TOR4A: variants seen among roughly 807,000 people sequenced by gnomAD.
TOR4A encodes the protein torsin family 4 member A.
A neutral mutation model predicts 11.5 loss-of-function variants in TOR4A; 12 were observed. The ratio of observed to expected loss-of-function variants is 1.04; its 90% CI spans 0.67 to 1.69. TOR4A has a LOEUF of 1.69. Ranked by LOEUF, TOR4A falls within the 40% of genes most tolerant of loss-of-function variation. The probability of loss-of-function intolerance (pLI) is 0.00; values close to 1 mark genes in which losing one functional copy is unlikely to be tolerated. For synonymous variants in TOR4A, 362 were observed against 307.4 expected, an observed-to-expected ratio of 1.18 and a Z score of -1.86; for missense variants, 640 against 643.2, an observed-to-expected ratio of 0.99 and a Z score of 0.05.
intron 1 of TOR4A, among the ~76,000 whole-genome samples, chr9:137,278,421 A>ACC (rs1830669873): frequency 6.6e-6 from 1 of 150,994 alleles, no homozygotes; most frequent in African/African-American, 2.4e-5. Context: ...TTATGGGAAG[A>ACC]CCCGAGAGAT....
chr9:137,281,844 A>C lies in TOR4A; in HGVS notation c.*1883A>C, dbSNP rs1278171701. 6.0e-6 allele frequency: 1 copy of C among 166,922 alleles called. No individual in the cohort carries two copies. The highest frequency in any genetic ancestry group is 1.9e-4 in the East Asian group (1 of 5,190). The allele number at this position is 166,922 out of a possible 1,614,324, so 10.3% of individuals were successfully genotyped here. A position where few individuals can be genotyped will look rare whatever the true frequency, so the allele number is the denominator to read the frequency against. On this transcript the variant is annotated 3_prime_UTR_variant, in exon 2 of 2. Coordinates refer to ENST00000357503, the MANE Select transcript of TOR4A (RefSeq NM_017723.3). Reference sequence around the variant, plus strand: ...TCCACCCCAACCCCAGGGCTAGGGGAAGGAGCTGGGAGAAGGAGCCCCACC... The same window carrying C: ...TCCACCCCAACCCCAGGGCTAGGGGCAGGAGCTGGGAGAAGGAGCCCCACC...
Position 137,280,038 on chromosome 9 carries a change from C to A in TOR4A, c.*77C>A. The A allele has an allele frequency of 1.4e-6, 2 of 1,428,280 alleles. No homozygotes were observed. Among genetic ancestry groups the A allele is most frequent in the Non-Finnish European group, 1.9e-6 (2 of 1,067,826 alleles). The allele number at this position is 1,428,280 out of a possible 1,614,324, so 88.5% of individuals were successfully genotyped here. On this transcript the variant is annotated 3_prime_UTR_variant, in exon 2 of 2. Coordinates refer to ENST00000357503, the MANE Select transcript of TOR4A (RefSeq NM_017723.3). ...CAGGGACCTTGTGGGCTGGTGCAGG[C>A]CCCTGAGGTTTCTAGTGAATTTGTG... is the stretch of plus-strand genomic sequence containing the variant.
Position 137,279,446 on chromosome 9 carries a change from C to A in TOR4A, c.757C>A (p.Arg253=), listed in dbSNP as rs779234181. Residue 253 remains arginine, a synonymous_variant, in exon 2 of 2, where the codon CGG becomes AGG. Coordinates refer to ENST00000357503, the MANE Select transcript of TOR4A (RefSeq NM_017723.3). ...LARRVADVVA[R]AEAEEKTPLL... ...GCGGCGCGTGGCCGACGTGGTGGCG[C>A]GGGCCGAAGCGGAGGAGAAGACCCC... 6.5e-7 allele frequency: 1 copy of A among 1,539,246 alleles called. No homozygotes were observed.
rs1830716635 is a variant in TOR4A, at chr9:137,281,382, G to C, written c.*1421G>C. ...CTCAGCCCGGAGACCGCGCCCACCA[G>C]CGCCGGTGTCCCCGGAGGGGCCCCG... On this transcript the variant is annotated 3_prime_UTR_variant, in exon 2 of 2. Transcript: ENST00000357503. 6.4e-6 allele frequency: 1 copy of C among 155,512 alleles called. No homozygotes were observed. Among genetic ancestry groups the C allele is most frequent in the Non-Finnish European group, 1.5e-5 (1 of 68,060 alleles). 9.6% of individuals were successfully genotyped at this position (155,512 alleles called of 1,614,324 possible).
Position 137,278,774 on chromosome 9 carries a change from G to A in TOR4A, c.85G>A (p.Val29Met). Residue 29 changes from valine to methionine, a missense_variant, in exon 2 of 2, where the codon GTG becomes ATG. Physicochemically the swap from Val to Met is conservative, Grantham distance 21 (BLOSUM62 1). Coordinates refer to ENST00000357503, the MANE Select transcript of TOR4A (RefSeq NM_017723.3). ...GTGCGTGATCGCGCCCGTGCGCGCT[G>A]TGCTCCGCCTGCGCCGCCGGGTGTG... The part of the protein sequence containing the change: ...GRCVIAPVRA[V>M]LRLRRRVCVL... 2 of 1,443,530 alleles carry A rather than the reference G, an allele frequency of 1.4e-6. No individual in the cohort carries two copies. The highest frequency in any genetic ancestry group is 9.0e-7 in the Non-Finnish European group (1 of 1,110,168). 89.4% of individuals were successfully genotyped at this position (1,443,530 alleles called of 1,614,324 possible).
At chr9:137,278,499 G>T (rs1830671622) in intron 1 of TOR4A, among the ~76,000 whole-genome samples, 154 bp from the exon 2 acceptor site, 1 of 151,876 alleles carries the variant, frequency 6.6e-6, no homozygotes, top group Non-Finnish European at 1.5e-5. Flanking sequence ...GGTCTGAGGG[G>T]CGAGGCCGCG....
Position 137,278,633 on chromosome 9 carries a change from T to C in TOR4A, c.-37-20T>C, listed in dbSNP as rs1830673762. ...GGCAGTGGCGGGAGTCCAGAGACCC[T>C]CCCCGTCTTCCCGTTGCAGGGAGGG... On this transcript the variant is annotated intron_variant, in intron 1 of 1. Transcript: ENST00000357503. The C allele has an allele frequency of 1.6e-6, 2 of 1,259,988 alleles. No homozygotes were observed. The highest frequency in any genetic ancestry group is 1.0e-6 in the Non-Finnish European group (1 of 999,504). The allele number at this position is 1,259,988 out of a possible 1,614,324, so 78.1% of individuals were successfully genotyped here.
chr9:137,279,380 C>T lies in TOR4A; in HGVS notation c.691C>T (p.Pro231Ser). 6 of 1,521,728 alleles carry T rather than the reference C, an allele frequency of 3.9e-6. No homozygotes were observed. The highest frequency in any genetic ancestry group is 5.3e-6 in the Non-Finnish European group (6 of 1,137,048). 94.3% of individuals were successfully genotyped at this position (1,521,728 alleles called of 1,614,324 possible). A position where few individuals can be genotyped will look rare whatever the true frequency, so the allele number is the denominator to read the frequency against. ...VLQYHARHHCPEARAAQDCRE... is the reference protein window; with the variant it reads ...VLQYHARHHCSEARAAQDCRE... Reference sequence around the variant, plus strand: ...GCAATACCATGCGCGGCACCACTGCCCCGAGGCGCGCGCCGCACAGGACTG... The same window carrying T: ...GCAATACCATGCGCGGCACCACTGCTCCGAGGCGCGCGCCGCACAGGACTG... The change falls in exon 2 of 2, where the codon CCC (proline) becomes TCC (serine). Residue 231 changes from proline (P) to serine (S), a missense_variant. Physicochemically the swap from Pro to Ser is moderately conservative, Grantham distance 74. Transcript: ENST00000357503.
In TOR4A at chr9:137,279,861, C is replaced by A. The variant is rs756500552; in HGVS notation, c.1172C>A (p.Ala391Glu). Residue 391 changes from alanine to glutamate, a missense_variant, in exon 2 of 2, where the codon GCG becomes GAG. By Grantham distance (107) the Ala-to-Glu change is moderately radical. Transcript: ENST00000357503. ...GGCTTCTTTCCTGACCAGGCCCGCGCGGAGAACCTGGCCGCGCAGCTCAGC... is the reference window on the plus strand; with the variant it reads ...GGCTTCTTTCCTGACCAGGCCCGCGAGGAGAACCTGGCCGCGCAGCTCAGC... ...GEGFFPDQAR[A>E]ENLAAQLSFY... 1 of 1,588,506 alleles carries A rather than the reference C, an allele frequency of 6.3e-7. No individual in the cohort carries two copies. The highest frequency in any genetic ancestry group is 2.3e-5 in the East Asian group (1 of 43,810).
rs1262011400 is a variant in TOR4A, at chr9:137,279,370, G to A, written c.681G>A (p.Arg227=). The A allele has an allele frequency of 3.9e-6, 6 of 1,525,362 alleles. No individual in the cohort carries two copies. Among genetic ancestry groups the A allele is most frequent in the Non-Finnish European group, 5.3e-6 (6 of 1,138,776 alleles). 94.5% of individuals were successfully genotyped at this position (1,525,362 alleles called of 1,614,324 possible). Residue 227 remains arginine, a synonymous_variant, in exon 2 of 2, where the codon CGG becomes CGA. Transcript: ENST00000357503. ...CGCTCGTGCTGCAATACCATGCGCG[G>A]CACCACTGCCCCGAGGCGCGCGCCG... is the stretch of plus-strand genomic sequence containing the variant. ...DSALVLQYHA[R]HHCPEARAAQ... is the part of the protein sequence containing the mutation.
rs1332969408 is a variant in TOR4A at position 137,282,138 on chromosome 9, C to CGCTGA, written c.*2180_*2184dup. 1 of 167,136 alleles carries CGCTGA rather than the reference C, an allele frequency of 6.0e-6. No homozygotes were observed. The highest frequency in any genetic ancestry group is 1.5e-5 in the Non-Finnish European group (1 of 68,162). The allele number at this position is 167,136 out of a possible 1,614,324, so 10.4% of individuals were successfully genotyped here. A position where few individuals can be genotyped will look rare whatever the true frequency, so the allele number is the denominator to read the frequency against. ...CATCCACCTGTCAGTCAACAACACCCGCTGAGCATCGGCTTGTATCAAAAG... is the reference window on the plus strand; with the variant it reads ...CATCCACCTGTCAGTCAACAACACCCGCTGAGCTGAGCATCGGCTTGTATCAAAAG... On this transcript the variant is annotated 3_prime_UTR_variant, in exon 2 of 2. Coordinates refer to ENST00000357503, the MANE Select transcript of TOR4A (RefSeq NM_017723.3).
chr9:137,278,667 A>G lies in TOR4A; in HGVS notation c.-23A>G. 1 of 1,322,184 alleles carries G rather than the reference A, an allele frequency of 7.6e-7. No individual in the cohort carries two copies. The highest frequency in any genetic ancestry group is 9.6e-7 in the Non-Finnish European group (1 of 1,037,268). 81.9% of individuals were successfully genotyped at this position (1,322,184 alleles called of 1,614,324 possible). On this transcript the variant is annotated 5_prime_UTR_variant, in exon 2 of 2. The change abolishes an upstream ATG in the 5' untranslated region. Coordinates refer to ENST00000357503, the MANE Select transcript of TOR4A (RefSeq NM_017723.3). ...TCCCGTTGCAGGGAGGGCGACCTGT[A>G]TGCGGAGCGCCGTTCCTGCGACATG...
In TOR4A at chr9:137,279,427, CGTG is replaced by C; in HGVS notation, c.740_742del (p.Val247del). 1 of 1,534,906 alleles carries C rather than the reference CGTG, an allele frequency of 6.5e-7. No homozygotes were observed. The highest frequency in any genetic ancestry group is 8.8e-7 in the Non-Finnish European group (1 of 1,141,000). ...ACTGCCGCGAGGAGCTGGCGCGGCG[CGTG>C]GCCGACGTGGTGGCGCGGGCCGAAG... On this transcript the variant is annotated inframe_deletion, in exon 2 of 2. Transcript: ENST00000357503.
At position 137,282,390 on chromosome 9, in the gene TOR4A, A is replaced by T. The variant is rs1830731375; in HGVS notation, c.*2429A>T. On this transcript the variant is annotated 3_prime_UTR_variant, in exon 2 of 2. Coordinates refer to ENST00000357503, the MANE Select transcript of TOR4A (RefSeq NM_017723.3). ...TAATTTTTTTGTATTGTTGGTAGAG[A>T]CGGTGATTCACTATGTTGGCCAGGC... The T allele has an allele frequency of 2.6e-5, 4 of 156,114 alleles. No homozygotes were observed. The highest frequency in any genetic ancestry group is 9.7e-5 in the African/African-American group (4 of 41,322). 9.7% of individuals were successfully genotyped at this position (156,114 alleles called of 1,614,324 possible). A position where few individuals can be genotyped will look rare whatever the true frequency, so the allele number is the denominator to read the frequency against.
In TOR4A at chr9:137,278,809, C is replaced by A. The variant is rs1306490459; in HGVS notation, c.120C>A (p.Arg40=). 1 of 1,479,914 alleles carries A rather than the reference C, an allele frequency of 6.8e-7. No individual in the cohort carries two copies. Among genetic ancestry groups the A allele is most frequent in the Admixed American group, 2.5e-5 (1 of 39,282 alleles). 91.7% of individuals were successfully genotyped at this position (1,479,914 alleles called of 1,614,324 possible). A position where few individuals can be genotyped will look rare whatever the true frequency, so the allele number is the denominator to read the frequency against. The part of the protein sequence containing the change: ...LRLRRRVCVL[R]KRRLLQPGGG... ...TGCGCCGCCGGGTGTGTGTCCTACG[C>A]AAACGGCGCCTCCTGCAGCCGGGTG... is the stretch of plus-strand genomic sequence containing the variant. The change falls in exon 2 of 2, where the codon CGC becomes CGA. Residue 40 remains arginine, a synonymous_variant. Coordinates refer to ENST00000357503, the MANE Select transcript of TOR4A (RefSeq NM_017723.3).
Position 137,279,562 on chromosome 9 carries a change from C to A in TOR4A, c.873C>A (p.Phe291Leu). 6.3e-7 allele frequency: 1 copy of A among 1,583,780 alleles called. No homozygotes were observed. The highest frequency in any genetic ancestry group is 8.6e-7 in the Non-Finnish European group (1 of 1,168,536). Residue 291 changes from phenylalanine (F) to leucine (L), a missense_variant, in exon 2 of 2, where the codon TTC becomes TTA. Transcript: ENST00000357503. Reference protein sequence around the residue: ...GFLQPQRSHHFHNAIYVLLSG... With the variant: ...GFLQPQRSHHLHNAIYVLLSG... ...TGCAGCCGCAGCGCTCCCACCACTT[C>A]CACAACGCCATCTACGTGCTCCTCA...
In TOR4A at chr9:137,279,375, A is replaced by T; in HGVS notation, c.686A>T (p.His229Leu). 3 of 1,523,930 alleles carry T rather than the reference A, an allele frequency of 2.0e-6. No homozygotes were observed. The South Asian group carries it at 3.6e-5, about 18-fold the overall frequency. The allele number at this position is 1,523,930 out of a possible 1,614,324, so 94.4% of individuals were successfully genotyped here. Reference protein sequence around the residue: ...ALVLQYHARHHCPEARAAQDC... With the variant: ...ALVLQYHARHLCPEARAAQDC... ...GTGCTGCAATACCATGCGCGGCACC[A>T]CTGCCCCGAGGCGCGCGCCGCACAG... The change falls in exon 2 of 2, where the codon CAC becomes CTC. Residue 229 changes from histidine (H) to leucine (L), a missense_variant. His to Leu is a moderately conservative substitution (Grantham distance 99). Transcript: ENST00000357503.
rs1016616064 is a variant in TOR4A, at chr9:137,277,842, G to C, written c.-103G>C. On this transcript the variant is annotated 5_prime_UTR_variant, in exon 1 of 2. Coordinates refer to ENST00000357503, the MANE Select transcript of TOR4A (RefSeq NM_017723.3). ...CTGGGAGGCGCATTTCCTGCTTGGA[G>C]TCTCAGGCCCCAGCGTCTGGCACAG... 6.6e-6 allele frequency: 1 copy of C among 152,278 alleles called. No homozygotes were observed. Among genetic ancestry groups the C allele is most frequent in the African/African-American group, 2.4e-5 (1 of 41,474 alleles). 9.4% of individuals were successfully genotyped at this position (152,278 alleles called of 1,614,324 possible). A position where few individuals can be genotyped will look rare whatever the true frequency, so the allele number is the denominator to read the frequency against.
At position 137,282,171 on chromosome 9, in the gene TOR4A, C is replaced by T. The variant is rs1391872401; in HGVS notation, c.*2210C>T. On this transcript the variant is annotated 3_prime_UTR_variant, in exon 2 of 2. Transcript: ENST00000357503. ...ATCGGCTTGTATCAAAAGGTCCAGA[C>T]CTAAGGGGAAATTTTATCTCTTTCT... is the stretch of plus-strand genomic sequence containing the variant. The T allele has an allele frequency of 6.0e-6, 1 of 167,026 alleles. No homozygotes were observed. The highest frequency in any genetic ancestry group is 1.5e-5 in the Non-Finnish European group (1 of 68,166). 10.3% of individuals were successfully genotyped at this position (167,026 alleles called of 1,614,324 possible).
Sources: allele counts gnomAD v4.1 joint callset (sites outside exome capture counted in the v4.1 genomes callset), GRCh38; gene constraint gnomAD v4.1.1; transcripts MANE v1.5; gene names NCBI Gene and HGNC (gene_info 2026-07-23, HGNC 2026-07-21).